Variants in CNTN4 observed in about 807,000 individuals in gnomAD.
CNTN4 encodes contactin 4, also known as contactin-4.
In CNTN4, 77 loss-of-function variants were observed where a neutral mutation model predicts 122.5. The ratio of observed to expected loss-of-function variants is 0.63; its 90% CI spans 0.52 to 0.76. The LOEUF (loss-of-function observed/expected upper bound fraction) is 0.76, where lower values mean the gene tolerates loss of function less well. Among genes scored for constraint, CNTN4 ranks in the 30% least tolerant of loss-of-function variants. CNTN4 has a pLI of 0.00. For synonymous variants in CNTN4, 512 were observed against 447.0 expected (o/e 1.15, Z -1.83); for missense variants, 1,256 against 1,259.1 (o/e 1.00, Z 0.04).
intron 3 of CNTN4, among the ~76,000 whole-genome samples, chr3:2,442,307 A>C (rs1039601277): frequency 6.6e-6 from 1 of 152,164 alleles, no homozygotes; most frequent in Non-Finnish European, 1.5e-5. Context: ...CTGCCAAAAA[A>C]ATACCTAACA....
At chr3:2,301,539 C>G (rs1457492118) in intron 2 of CNTN4, among the ~76,000 whole-genome samples, 1 of 152,306 alleles carries the variant, frequency 6.6e-6, no homozygotes, top group East Asian at 1.9e-4. Context: ...ACCAGAGGCC[C>G]TGATCTTTTT....
In CNTN4 at chr3:2,709,903, C is replaced by T. The variant is rs2087015844; in HGVS notation, c.56-26312C>T. 6.6e-6 allele frequency among the ~76,000 whole-genome samples: 1 copy of T among 150,954 alleles called. No individual in the cohort carries two copies. The highest frequency in any genetic ancestry group is 2.4e-5 in the African/African-American group (1 of 41,308). ...TGACAGGGCAAGACCCTGTCTCAAA[C>T]ATATAAATACAAAAAAAAAATAAGA... is the stretch of plus-strand genomic sequence containing the variant. On this transcript the variant is annotated intron_variant, in intron 4 of 24. Transcript: ENST00000418658. The surrounding 1 kb of genome is among the most constrained non-coding windows in gnomAD (Gnocchi z 5.0).
intron 3 of CNTN4, among the ~76,000 whole-genome samples, chr3:2,503,709 G>A (rs577628308): frequency 6.6e-6 from 1 of 152,144 alleles, no homozygotes; most frequent in Non-Finnish European, 1.5e-5. Flanking sequence ...TTAATAAAGT[G>A]GGTAGGGATG....
intron 4 of CNTN4, among the ~76,000 whole-genome samples, chr3:2,733,537 T>TTTTTTG (rs1553623966): frequency 2.2e-5 from 3 of 136,596 alleles, no homozygotes; most frequent in African/African-American, 8.2e-5. Flanking sequence ...TTTGTGTTTT[T>TTTTTTG]TTTTTTTTTT....
chr3:2,185,330 C>G (rs944219029), intron 2 of CNTN4, among the ~76,000 whole-genome samples: 2 of 152,142 alleles, frequency 1.3e-5, no homozygotes, highest in Admixed American at 6.6e-5. Flanking sequence ...TGCTTTCCCT[C>G]TAGTGTGTAA....
chr3:2,287,632 GAGAAGAAGAAGAAGA>G (rs1210971247), intron 2 of CNTN4, among the ~76,000 whole-genome samples: 78 of 49,500 alleles, frequency 1.6e-3, no homozygotes, highest in African/African-American at 5.1e-3. Context: ...GAAGGAGAAG[GAGAAGAAGAAGAAGA>G]AGAAGAAGAA....
chr3:2,116,993 G>C (rs2033397839), intron 2 of CNTN4, among the ~76,000 whole-genome samples: 1 of 152,104 alleles, frequency 6.6e-6, no homozygotes, highest in Non-Finnish European at 1.5e-5. Flanking sequence ...CATCAAGCAA[G>C]CAATCAGTTT....
At chr3:2,693,133 A>G (rs1021386130) in intron 4 of CNTN4, among the ~76,000 whole-genome samples, 38 of 152,262 alleles carry the variant, frequency 2.5e-4, no homozygotes, top group African/African-American at 8.9e-4. Context: ...GTCTTCCTAA[A>G]TACCTAGTCT....
rs115111027 is a variant in CNTN4, at chr3:2,777,328, G to C, written c.358+31631G>C. 3.7e-3 allele frequency among the ~76,000 whole-genome samples: 557 copies of C among 152,268 alleles called. 3 individuals carry two copies. The highest frequency in any genetic ancestry group is 0.013 in the African/African-American group (539 of 41,548). On this transcript the variant is annotated intron_variant, in intron 6 of 24. Transcript: ENST00000418658. ...TGCTTCCCCCACTAAATTTAGTAAA[G>C]AAAGATGGAAAACAATGAGAGTTAC...
chr3:2,987,458 G>T (rs1214344500), intron 13 of CNTN4, among the ~76,000 whole-genome samples: 2 of 152,222 alleles, frequency 1.3e-5, no homozygotes, highest in African/African-American at 4.8e-5. Context: ...AGGCTGTTTT[G>T]ATAGACTAGG....
chr3:2,684,462 C>T (rs1356132161), intron 4 of CNTN4, among the ~76,000 whole-genome samples: 1 of 152,038 alleles, frequency 6.6e-6, no homozygotes, highest in Non-Finnish European at 1.5e-5. Flanking sequence ...TAGAGGTGGA[C>T]CCCAATGACC....
intron 6 of CNTN4, among the ~76,000 whole-genome samples, chr3:2,762,351 C>T (rs550707943): frequency 1.3e-5 from 2 of 152,266 alleles, no homozygotes; most frequent in South Asian, 2.1e-4. Context: ...TTCCTTGATC[C>T]TCTCCTTCCT....
chr3:3,016,136 C>T (rs9830370), intron 14 of CNTN4, among the ~76,000 whole-genome samples: 1 of 152,224 alleles, frequency 6.6e-6, no homozygotes, highest in South Asian at 2.1e-4. Context: ...TTTTTATCTT[C>T]CATCACAGTC....
intron 6 of CNTN4, among the ~76,000 whole-genome samples, chr3:2,768,358 C>G (rs1378775120): frequency 2.0e-5 from 3 of 152,166 alleles, no homozygotes; most frequent in African/African-American, 7.2e-5. Flanking sequence ...ATCAATGTGG[C>G]TACAGTTAGC....
At chr3:2,208,408 T>G (rs1400984051) in intron 2 of CNTN4, among the ~76,000 whole-genome samples, 1 of 152,152 alleles carries the variant, frequency 6.6e-6, no homozygotes, top group Admixed American at 6.6e-5. Flanking sequence ...CTGAAATTGT[T>G]GCAATCTCAT....
chr3:2,563,689 A>G (rs1576008118), intron 3 of CNTN4, among the ~76,000 whole-genome samples: 1 of 152,336 alleles, frequency 6.6e-6, no homozygotes, highest in South Asian at 2.1e-4. Flanking sequence ...TAACTAAACA[A>G]TGTTAGAAGA....
At chr3:2,634,738 C>G (rs2082589590) in intron 4 of CNTN4, among the ~76,000 whole-genome samples, 1 of 151,228 alleles carries the variant, frequency 6.6e-6, no homozygotes, top group South Asian at 2.1e-4. Context: ...CACCTGTAGT[C>G]CCACCTACTC....
At chr3:3,042,854 C>G (rs1700290930) in intron 21 of CNTN4, 123 bp from the exon 22 acceptor site, 1 of 784,440 alleles carries the variant, frequency 1.3e-6, no homozygotes, top group South Asian at 1.5e-5. Context: ...CCTGATAGCT[C>G]TGCTCATGAT....
At chr3:2,416,081 C>T (rs1228835861) in intron 3 of CNTN4, among the ~76,000 whole-genome samples, 1 of 151,852 alleles carries the variant, frequency 6.6e-6, no homozygotes, top group Non-Finnish European at 1.5e-5. Context: ...ACTAGTGTGC[C>T]ATGTTCTCAC....
Sources: allele counts gnomAD v4.1 joint callset (sites outside exome capture counted in the v4.1 genomes callset), GRCh38; gene constraint gnomAD v4.1.1; non-coding constraint Gnocchi (gnomAD v3.1); transcripts MANE v1.5; gene names NCBI Gene and HGNC (gene_info 2026-07-23, HGNC 2026-07-21).